The following EDA2R variants were observed in gnomAD, a reference collection of about 807,000 sequenced individuals.
EDA2R encodes tumor necrosis factor receptor superfamily member 27.
Under a neutral mutation model 20.1 loss-of-function variants are expected in EDA2R, and 26 were observed. The ratio of observed to expected loss-of-function variants is 1.30; its 90% CI spans 0.95 to 1.80. EDA2R has a LOEUF of 1.80. Ranked by LOEUF, EDA2R falls within the 40% of genes most tolerant of loss-of-function variation. The pLI, the probability that EDA2R is intolerant of heterozygous loss-of-function variation, is 0.00. For synonymous variants in EDA2R, 114 were observed against 88.7 expected (o/e 1.29, Z -1.60); for missense variants, 277 against 228.7 (o/e 1.21, Z -1.36).
At chrX:66,623,659 C>A in intron 1 of EDA2R, among the ~76,000 whole-genome samples, 1 of 111,689 alleles carries the variant, frequency 9.0e-6, no homozygotes. Context: ...ATTGTCTTCA[C>A]TCCACCCATG....
chrX:66,616,130 T>G, intron 1 of EDA2R, 100 bp from the exon 2 acceptor site: 5 of 531,898 alleles, frequency 9.4e-6, no homozygotes, highest in East Asian at 3.6e-5. Context: ...ATCTATTCTC[T>G]AGATCTGAGA....
intron 1 of EDA2R, among the ~76,000 whole-genome samples, chrX:66,637,493 G>C (rs1934449936): frequency 8.9e-6 from 1 of 111,861 alleles, no homozygotes; most frequent in South Asian, 3.7e-4. Context: ...CAAAACTCTA[G>C]CATCCACTGT....
At position 66,597,580 on chromosome X, in the gene EDA2R, G is replaced by C. The variant is rs1253368723; in HGVS notation, c.*524C>G. 1 of 111,815 alleles carries C rather than the reference G, an allele frequency of 8.9e-6. No homozygotes were observed. Among genetic ancestry groups the C allele is most frequent in the African/African-American group, 3.3e-5 (1 of 30,690 alleles). 9.2% of individuals were successfully genotyped at this position (111,815 alleles called of 1,213,427 possible). ...CTGAGACATGAACTTGGGAATTATG[G>C]CACGAGGCCTCCCCCAAGATAGATA... is the stretch of plus-strand genomic sequence containing the variant. On this transcript the variant is annotated 3_prime_UTR_variant, in exon 7 of 7. Transcript: ENST00000374719.
intron 1 of EDA2R, among the ~76,000 whole-genome samples, chrX:66,621,406 C>A (rs897974361): frequency 2.7e-5 from 3 of 112,017 alleles, no homozygotes; most frequent in African/African-American, 6.5e-5. Flanking sequence ...AGTGTAAATA[C>A]CCAAAAGAAT....
At chrX:66,623,329 AT>A (rs994046283) in intron 1 of EDA2R, among the ~76,000 whole-genome samples, 1 of 111,541 alleles carries the variant, frequency 9.0e-6, no homozygotes, top group African/African-American at 3.3e-5. Context: ...AGGTCTATCC[AT>A]TTTTTTCTAG....
chrX:66,608,819 A>G (rs1930187191), intron 2 of EDA2R, among the ~76,000 whole-genome samples: 1 of 111,618 alleles, frequency 9.0e-6, no homozygotes, highest in Non-Finnish European at 1.9e-5. Context: ...ATTTGTAGAG[A>G]CAGAGAGTAG....
intron 1 of EDA2R, among the ~76,000 whole-genome samples, chrX:66,621,657 C>T (rs1422704174): frequency 1.8e-5 from 2 of 112,177 alleles, no homozygotes; most frequent in Non-Finnish European, 3.8e-5. Flanking sequence ...CACAAAAGGA[C>T]AAATGTTGTA....
At chrX:66,638,521 G>T (rs1015297454) in intron 1 of EDA2R, among the ~76,000 whole-genome samples, 11 of 110,561 alleles carry the variant, frequency 9.9e-5, no homozygotes, top group Non-Finnish European at 1.9e-4. Context: ...GGCGGGTGAG[G>T]GGGTGGATTG....
At chrX:66,625,000 G>C (rs1000352625) in intron 1 of EDA2R, among the ~76,000 whole-genome samples, 2 of 111,984 alleles carry the variant, frequency 1.8e-5, no homozygotes, top group African/African-American at 6.5e-5. Context: ...TACAGGGGTA[G>C]AGGAAGCAGC....
intron 4 of EDA2R, among the ~76,000 whole-genome samples, chrX:66,603,764 T>C (rs1843395): frequency 0.068 from 7,587 of 111,653 alleles, 637 homozygotes; most frequent in African/African-American, 0.24. Context: ...CCATTATATC[T>C]GTGGAATCTT....
At chrX:66,632,512 G>A (rs968308482) in intron 1 of EDA2R, among the ~76,000 whole-genome samples, 1 of 106,839 alleles carries the variant, frequency 9.4e-6, no homozygotes, top group South Asian at 4.2e-4. Context: ...GAAGGAAGAA[G>A]AAAGAGGAAG....
At chrX:66,632,355 C>A (rs1384480710) in intron 1 of EDA2R, among the ~76,000 whole-genome samples, 1 of 110,517 alleles carries the variant, frequency 9.0e-6, no homozygotes, top group Non-Finnish European at 1.9e-5. Flanking sequence ...ACCCTGGAGG[C>A]AGAGGTTGCA....
intron 1 of EDA2R, among the ~76,000 whole-genome samples, chrX:66,633,640 G>C (rs1026404697): frequency 6.3e-5 from 7 of 111,486 alleles, no homozygotes; most frequent in African/African-American, 2.3e-4. Context: ...CCGGCACTCA[G>C]CTAACACCTG....
At position 66,606,635 on chromosome X, in the gene EDA2R, GA is replaced by G. The variant is rs771699906; in HGVS notation, c.88-1410del. On this transcript the variant is annotated intron_variant, in intron 2 of 6. Coordinates refer to ENST00000374719, the MANE Select transcript of EDA2R (RefSeq NM_021783.5). ...ATCAACCATGTAAATGTTAAATCAA[GA>G]AAAAGGTCACTTGAAAATAATAGGA... 6.6e-3 allele frequency among the ~76,000 whole-genome samples: 738 copies of G among 111,951 alleles called. 4 individuals are homozygous for G. The highest frequency in any genetic ancestry group is 0.023 in the African/African-American group (716 of 30,820).
At chrX:66,599,407 C>T in intron 6 of EDA2R, 67 bp downstream of exon 6, 1 of 1,047,085 alleles carries the variant, frequency 9.6e-7, no homozygotes. Context: ...AAGAGAATTC[C>T]TTGAGGTTAG....
rs774451366 is a variant in EDA2R at position 66,615,917 on chromosome X, T to C, written c.87+17A>G. On this transcript the variant is annotated intron_variant, in intron 2 of 6. Transcript: ENST00000374719. ...TAAGATGCAACAGAAATAAGTGTACTGAATAGGATAACTTACCTTGGATAG... is the reference window on the plus strand; with the variant it reads ...TAAGATGCAACAGAAATAAGTGTACCGAATAGGATAACTTACCTTGGATAG... The C allele has an allele frequency of 5.0e-6, 6 of 1,189,915 alleles. No homozygotes were observed. Among genetic ancestry groups the C allele is most frequent in the Non-Finnish European group, 5.7e-6 (5 of 877,117 alleles).
chrX:66,599,412 G>A, intron 6 of EDA2R, 62 bp downstream of exon 6: 2 of 1,048,525 alleles, frequency 1.9e-6, no homozygotes, highest in Non-Finnish European at 2.5e-6. Context: ...AATTCCTTGA[G>A]GTTAGTCCTT....
chrX:66,614,652 G>T (rs181320253), intron 2 of EDA2R, among the ~76,000 whole-genome samples: 5 of 112,310 alleles, frequency 4.5e-5, no homozygotes, highest in South Asian at 3.7e-4. Flanking sequence ...CTTAGAATTA[G>T]TGCTTGTATC....
At chrX:66,599,437 T>C (rs1381271086) in intron 6 of EDA2R, 37 bp downstream of exon 6, 1 of 1,034,425 alleles carries the variant, frequency 9.7e-7, no homozygotes. Flanking sequence ...TCTGTTTTGC[T>C]TTTTTTGTTT....
Sources: allele counts gnomAD v4.1 joint callset (sites outside exome capture counted in the v4.1 genomes callset), GRCh38; gene constraint gnomAD v4.1.1; transcripts MANE v1.5; gene names NCBI Gene and HGNC (gene_info 2026-07-23, HGNC 2026-07-21).